The following KIRREL3 variants were observed in gnomAD, a reference collection of about 807,000 sequenced individuals.
KIRREL3 encodes the protein kirre like nephrin family adhesion molecule 3, also known as kin of IRRE-like protein 3.
Under a neutral mutation model 89.7 loss-of-function variants are expected in KIRREL3, and 36 were observed. The ratio of observed to expected loss-of-function variants is 0.40; its 90% CI spans 0.31 to 0.53. The LOEUF is 0.53. KIRREL3 is among the 20% of genes least tolerant of loss of function. KIRREL3 has a pLI of 0.49. For missense variants in KIRREL3, 864 were observed against 1,056.6 expected, an observed-to-expected ratio of 0.82 and a Z score of 2.53; for synonymous variants, 445 against 441.4, an observed-to-expected ratio of 1.01 and a Z score of -0.10.
intron 1 of KIRREL3, among the ~76,000 whole-genome samples, chr11:126,767,543 T>TATACACTGTGTATAACGAC (rs796460776): frequency 0.011 from 1,688 of 152,256 alleles, 32 homozygotes; most frequent in African/African-American, 0.037. Context: ...TGTATAATGA[T>TATACACTGTGTATAACGAC]ATACACTGTG....
chr11:126,884,687 C>T (rs1940005), intron 1 of KIRREL3, among the ~76,000 whole-genome samples: 93,337 of 151,812 alleles, frequency 0.61, 30,164 homozygotes, highest in African/African-American at 0.82. Flanking sequence ...TTAATCGATT[C>T]ATCAAATGAC....
intron 3 of KIRREL3, among the ~76,000 whole-genome samples, chr11:126,524,970 C>T (rs1958703312): frequency 6.6e-6 from 1 of 152,154 alleles, no homozygotes; most frequent in African/African-American, 2.4e-5. Context: ...AGGTCATTGG[C>T]TCTGTATGGA....
rs983184682 is a variant in KIRREL3, at chr11:126,579,966, C to T, written c.56-17054G>A. ...ATTCACGCCATTCTCCTGCCTCAGC[C>T]TCCCGAGTAGCTGGGACTATAGGCG... On this transcript the variant is annotated intron_variant, in intron 1 of 16. Transcript: ENST00000525144. This position sits in a 1 kb window ranked among gnomAD's most constrained non-coding sequence, Gnocchi z 5.3. Among the ~76,000 whole-genome samples the T allele has an allele frequency of 4.6e-5, 7 of 152,124 alleles. No homozygotes were observed. In the South Asian group the frequency reaches 1.0e-3, roughly 23 times the overall value.
rs1241367578 is a variant in KIRREL3, at chr11:126,883,302, A to G, written c.55+117153T>C. ...AAAGCAGGTCACCAGAAGTGGTAGGAGAGAGATCTTCAAGCAGCACAGCAG... is the reference window on the plus strand; with the variant it reads ...AAAGCAGGTCACCAGAAGTGGTAGGGGAGAGATCTTCAAGCAGCACAGCAG... On this transcript the variant is annotated intron_variant, in intron 1 of 16. Coordinates refer to ENST00000525144, the MANE Select transcript of KIRREL3 (RefSeq NM_032531.4). This position sits in a 1 kb window ranked among gnomAD's most constrained non-coding sequence, Gnocchi z 4.1. 2.0e-5 allele frequency among the ~76,000 whole-genome samples: 3 copies of G among 152,148 alleles called. No individual in the cohort carries two copies.
intron 1 of KIRREL3, chr11:126,935,517 C>T (rs966072048): frequency 1.3e-5 from 2 of 152,146 alleles, no homozygotes; most frequent in East Asian, 1.9e-4. Context: ...ACCTGTGGTA[C>T]ATCCAGACAA....
chr11:126,578,956 T>C lies in KIRREL3; in HGVS notation c.56-16044A>G, dbSNP rs1360027225. On this transcript the variant is annotated intron_variant, in intron 1 of 16. Transcript: ENST00000525144. The surrounding 1 kb of genome is among the most constrained non-coding windows in gnomAD (Gnocchi z 4.9). ...GCCTAGAGATGGGACTTTGTCTCCATGTGACTTATGAAGACACTGAGGACC... is the reference window on the plus strand; with the variant it reads ...GCCTAGAGATGGGACTTTGTCTCCACGTGACTTATGAAGACACTGAGGACC... Among the ~76,000 whole-genome samples the C allele has an allele frequency of 1.3e-5, 2 of 152,188 alleles. No homozygotes were observed. Among genetic ancestry groups the C allele is most frequent in the Non-Finnish European group, 2.9e-5 (2 of 68,042 alleles).
rs555405982 is a variant in KIRREL3, at chr11:126,978,760, T to C, written c.55+21695A>G. On this transcript the variant is annotated intron_variant, in intron 1 of 16. Transcript: ENST00000525144. The surrounding 1 kb of genome is among the most constrained non-coding windows in gnomAD (Gnocchi z 4.2). ...TTCTCTGAGCTCTGTTCCCCCAAGGTGGGCTAGGCAACCCTAGTGTCTGCT... is the reference window on the plus strand; with the variant it reads ...TTCTCTGAGCTCTGTTCCCCCAAGGCGGGCTAGGCAACCCTAGTGTCTGCT... Among the ~76,000 whole-genome samples, 1 of 152,154 alleles carries C rather than the reference T, an allele frequency of 6.6e-6. No homozygotes were observed. Among genetic ancestry groups the C allele is most frequent in the Non-Finnish European group, 1.5e-5 (1 of 68,032 alleles).
chr11:126,487,863 G>A (rs1248581086), intron 4 of KIRREL3, among the ~76,000 whole-genome samples: 2 of 152,256 alleles, frequency 1.3e-5, no homozygotes, highest in African/African-American at 2.4e-5. Flanking sequence ...GGAGTTGGCC[G>A]CCCCGCACTC....
At chr11:126,524,859 G>A (rs948526895) in intron 3 of KIRREL3, among the ~76,000 whole-genome samples, 6 of 152,162 alleles carry the variant, frequency 3.9e-5, no homozygotes, top group African/African-American at 1.4e-4. Flanking sequence ...TCAGGCAAGC[G>A]AGCAGAGTTA....
intron 4 of KIRREL3, among the ~76,000 whole-genome samples, chr11:126,499,266 A>T (rs1957776130): frequency 6.6e-6 from 1 of 151,990 alleles, no homozygotes; most frequent in Non-Finnish European, 1.5e-5. Flanking sequence ...GGCTAACGAA[A>T]ATCCATTGGG....
rs183629817 is a variant in KIRREL3 at position 126,724,373 on chromosome 11, G to A, written c.56-161461C>T. Among the ~76,000 whole-genome samples the A allele has an allele frequency of 1.6e-4, 25 of 152,260 alleles. No homozygotes were observed. Among genetic ancestry groups the A allele is most frequent in the Middle Eastern group, 3.4e-3 (1 of 294 alleles). On this transcript the variant is annotated intron_variant, in intron 1 of 16. Transcript: ENST00000525144. The surrounding 1 kb of genome is among the most constrained non-coding windows in gnomAD (Gnocchi z 4.3). ...CAGATCCATGCACACCCACACACAT[G>A]CACATGCAGACTTATTGTCATAGCT...
chr11:126,644,502 G>A (rs985103693), intron 1 of KIRREL3, among the ~76,000 whole-genome samples: 1 of 152,194 alleles, frequency 6.6e-6, no homozygotes, highest in African/African-American at 2.4e-5. Flanking sequence ...GAAGACTGCT[G>A]GGACCTGAGG....
intron 1 of KIRREL3, among the ~76,000 whole-genome samples, chr11:126,822,283 A>G (rs1344064320): frequency 6.6e-6 from 1 of 152,206 alleles, no homozygotes. Context: ...TATAATTACT[A>G]TTATATAAAG....
intron 1 of KIRREL3, among the ~76,000 whole-genome samples, chr11:126,847,200 G>A (rs1489984646): frequency 6.6e-6 from 1 of 152,108 alleles, no homozygotes; most frequent in Non-Finnish European, 1.5e-5. Context: ...AAATGAAATG[G>A]TATTTGGCTT....
At position 126,668,729 on chromosome 11, in the gene KIRREL3, C is replaced by T. The variant is rs1257344177; in HGVS notation, c.56-105817G>A. Among the ~76,000 whole-genome samples, 1 of 122,894 alleles carries T rather than the reference C, an allele frequency of 8.1e-6. No homozygotes were observed. The highest frequency in any genetic ancestry group is 1.8e-5 in the Non-Finnish European group (1 of 56,020). 80.6% of individuals were successfully genotyped at this position (122,894 alleles called of 152,430 possible). ...TCTTTCTTTCTTTCTTTCTTTCTTT[C>T]TTTCTTTCTTTCTTTCTTTCTTTCT... On this transcript the variant is annotated intron_variant, in intron 1 of 16. Coordinates refer to ENST00000525144, the MANE Select transcript of KIRREL3 (RefSeq NM_032531.4). This position sits in a 1 kb window ranked among gnomAD's most constrained non-coding sequence, Gnocchi z 4.4.
At position 126,750,029 on chromosome 11, in the gene KIRREL3, T is replaced by G. The variant is rs548228285; in HGVS notation, c.56-187117A>C. Among the ~76,000 whole-genome samples, 51 of 152,350 alleles carry G rather than the reference T, an allele frequency of 3.3e-4. No homozygotes were observed. The highest frequency in any genetic ancestry group is 1.1e-3 in the African/African-American group (47 of 41,578). Reference sequence around the variant, plus strand: ...ATGAAGTTTCCTGACTTTACTGAACTTCAGTTTAGTTTCCTCATCTGTAAA... The same window carrying G: ...ATGAAGTTTCCTGACTTTACTGAACGTCAGTTTAGTTTCCTCATCTGTAAA... On this transcript the variant is annotated intron_variant, in intron 1 of 16. Transcript: ENST00000525144. The surrounding 1 kb of genome is among the most constrained non-coding windows in gnomAD (Gnocchi z 4.2).
chr11:126,990,918 T>C lies in KIRREL3; in HGVS notation c.55+9537A>G, dbSNP rs1486478896. Among the ~76,000 whole-genome samples, 1 of 152,206 alleles carries C rather than the reference T, an allele frequency of 6.6e-6. No individual in the cohort carries two copies. The highest frequency in any genetic ancestry group is 2.4e-5 in the African/African-American group (1 of 41,458). ...TCCTGCCACTCCCGGATGAACGTGCTAAGCTTCCTGTGCAATGAACCAACC... is the reference window on the plus strand; with the variant it reads ...TCCTGCCACTCCCGGATGAACGTGCCAAGCTTCCTGTGCAATGAACCAACC... On this transcript the variant is annotated intron_variant, in intron 1 of 16. Coordinates refer to ENST00000525144, the MANE Select transcript of KIRREL3 (RefSeq NM_032531.4). This position sits in a 1 kb window ranked among gnomAD's most constrained non-coding sequence, Gnocchi z 6.3.
intron 1 of KIRREL3, among the ~76,000 whole-genome samples, chr11:126,593,063 C>T (rs1056814289): frequency 9.9e-5 from 15 of 152,130 alleles, no homozygotes; most frequent in African/African-American, 2.4e-4. Context: ...CCCCGTCAGC[C>T]GACTTGCAGA....
intron 1 of KIRREL3, among the ~76,000 whole-genome samples, chr11:126,631,086 C>G (rs1944000863): frequency 6.6e-6 from 1 of 152,024 alleles, no homozygotes. Context: ...CGTGTTCCCT[C>G]TTCATTCAGT....
Sources: allele counts gnomAD v4.1 joint callset (sites outside exome capture counted in the v4.1 genomes callset), GRCh38; gene constraint gnomAD v4.1.1; non-coding constraint Gnocchi (gnomAD v3.1); transcripts MANE v1.5; gene names NCBI Gene and HGNC (gene_info 2026-07-23, HGNC 2026-07-21).